The following GALNTL6 variants were observed in gnomAD, a reference collection of about 807,000 sequenced individuals.
GALNTL6 encodes the protein polypeptide N-acetylgalactosaminyltransferase like 6, also known as polypeptide N-acetylgalactosaminyltransferase-like 6.
GALNTL6 carries 46 observed loss-of-function variants against 73.7 expected under a neutral mutation model. That is an observed-to-expected ratio of 0.62 (90% CI 0.49 to 0.80). The LOEUF (loss-of-function observed/expected upper bound fraction) is 0.80. Among genes scored for constraint, GALNTL6 ranks in the 30% least tolerant of loss-of-function variants. GALNTL6 has a pLI of 0.00. For synonymous variants in GALNTL6, 259 were observed against 263.7 expected, an observed-to-expected ratio of 0.98 and a Z score of 0.17; for missense variants, 604 against 755.0, an observed-to-expected ratio of 0.80 and a Z score of 2.34.
intron 3 of GALNTL6, among the ~76,000 whole-genome samples, chr4:172,260,135 G>T (rs1423604083): frequency 6.6e-6 from 1 of 151,740 alleles, no homozygotes; most frequent in East Asian, 1.9e-4. Context: ...TGTGAAGAAT[G>T]ATGATGGTAC....
chr4:171,986,207 C>T (rs1387082554), intron 2 of GALNTL6, among the ~76,000 whole-genome samples: 1 of 150,774 alleles, frequency 6.6e-6, no homozygotes, highest in Non-Finnish European at 1.5e-5. Flanking sequence ...AAAAGAGAGT[C>T]AGAGAAAGGA....
intron 2 of GALNTL6, among the ~76,000 whole-genome samples, chr4:171,903,358 T>G (rs1469789800): frequency 6.6e-6 from 1 of 152,052 alleles, no homozygotes; most frequent in East Asian, 1.9e-4. Context: ...GGAGTTCCTT[T>G]TCCTAGTCAA....
intron 5 of GALNTL6, among the ~76,000 whole-genome samples, chr4:172,374,828 A>G (rs1742968149): frequency 6.6e-6 from 1 of 152,194 alleles, no homozygotes; most frequent in African/African-American, 2.4e-5. Flanking sequence ...ATCTAACAGT[A>G]GCATGACATC....
chr4:172,863,579 G>A (rs920476091), intron 7 of GALNTL6, among the ~76,000 whole-genome samples: 1 of 152,314 alleles, frequency 6.6e-6, no homozygotes, highest in Middle Eastern at 3.4e-3. Context: ...TGGAATGGCT[G>A]TATTTACCCA....
At chr4:172,316,981 A>T (rs1463694348) in intron 4 of GALNTL6, among the ~76,000 whole-genome samples, 2 of 152,164 alleles carry the variant, frequency 1.3e-5, no homozygotes, top group African/African-American at 4.8e-5. Flanking sequence ...CAAACCCACG[A>T]ATCTCTTTCT....
At chr4:171,832,281 A>G (rs1372385403) in intron 2 of GALNTL6, among the ~76,000 whole-genome samples, 1 of 150,164 alleles carries the variant, frequency 6.7e-6, no homozygotes, top group Admixed American at 6.6e-5. Flanking sequence ...TCTGATCTAT[A>G]TATGTTTTCA....
chr4:172,390,764 T>C (rs1439807111), intron 5 of GALNTL6, among the ~76,000 whole-genome samples: 1 of 152,148 alleles, frequency 6.6e-6, no homozygotes, highest in Non-Finnish European at 1.5e-5. Flanking sequence ...TTTGTTCAAA[T>C]GAGAGGCAAA....
intron 5 of GALNTL6, among the ~76,000 whole-genome samples, chr4:172,496,185 G>A (rs1734064243): frequency 6.6e-6 from 1 of 152,028 alleles, no homozygotes; most frequent in South Asian, 2.1e-4. Flanking sequence ...CAAATATTCT[G>A]TACTCCCAAT....
intron 3 of GALNTL6, among the ~76,000 whole-genome samples, chr4:172,303,544 C>T (rs900390367): frequency 6.6e-6 from 1 of 151,990 alleles, no homozygotes; most frequent in Non-Finnish European, 1.5e-5. Flanking sequence ...TACCTGTTGC[C>T]TTTAAAAAAA....
chr4:172,980,559 G>A (rs897899137), intron 10 of GALNTL6, among the ~76,000 whole-genome samples: 4 of 152,096 alleles, frequency 2.6e-5, no homozygotes, highest in Admixed American at 1.3e-4. Context: ...TCAGGTTCTC[G>A]CGAGGGCTGT....
chr4:172,771,829 G>A (rs186508913), intron 5 of GALNTL6, among the ~76,000 whole-genome samples: 246 of 152,246 alleles, frequency 1.6e-3, no homozygotes, highest in Middle Eastern at 3.4e-3. Flanking sequence ...TATAGGCCAA[G>A]AGATGGGAAG....
At position 172,852,268 on chromosome 4, in the gene GALNTL6, C is replaced by T. The variant is rs969867303; in HGVS notation, c.924-30522C>T. Among the ~76,000 whole-genome samples the T allele has an allele frequency of 5.9e-4, 90 of 152,106 alleles. 1 individual carries two copies. The highest frequency in any genetic ancestry group is 1.2e-3 in the East Asian group (6 of 5,202). On this transcript the variant is annotated intron_variant, in intron 7 of 12. Coordinates refer to ENST00000506823, the MANE Select transcript of GALNTL6 (RefSeq NM_001034845.3). ...GGGGCAGCCTTATTTGAGGGGCCTACATTTGAGTCCCAGGTTCCTTCCATT... is the reference window on the plus strand; with the variant it reads ...GGGGCAGCCTTATTTGAGGGGCCTATATTTGAGTCCCAGGTTCCTTCCATT...
intron 5 of GALNTL6, among the ~76,000 whole-genome samples, chr4:172,466,219 T>C (rs570442155): frequency 7.0e-4 from 106 of 152,270 alleles, no homozygotes; most frequent in African/African-American, 2.4e-3. Flanking sequence ...CATCACTTCC[T>C]AAAAAGCGTT....
At position 172,190,294 on chromosome 4, in the gene GALNTL6, T is replaced by A. The variant is rs377066381; in HGVS notation, c.139-39362T>A. On this transcript the variant is annotated intron_variant, in intron 2 of 12. Coordinates refer to ENST00000506823, the MANE Select transcript of GALNTL6 (RefSeq NM_001034845.3). Reference sequence around the variant, plus strand: ...CATCTATTAATTTATTTAAAAAATATTAACTGAAACCCTGTAATTTATGGT... The same window carrying A: ...CATCTATTAATTTATTTAAAAAATAATAACTGAAACCCTGTAATTTATGGT... Among the ~76,000 whole-genome samples the A allele has an allele frequency of 4.8e-4, 73 of 152,324 alleles. No homozygotes were observed. In the South Asian group the frequency reaches 0.014, roughly 29 times the overall value.
chr4:172,352,485 C>T (rs1741975555), intron 5 of GALNTL6, among the ~76,000 whole-genome samples: 1 of 152,102 alleles, frequency 6.6e-6, no homozygotes, highest in Admixed American at 6.6e-5. Flanking sequence ...TAACTTGAGG[C>T]CTATAACAAG....
intron 5 of GALNTL6, among the ~76,000 whole-genome samples, chr4:172,463,375 A>C (rs1383617042): frequency 6.6e-6 from 1 of 152,164 alleles, no homozygotes; most frequent in Non-Finnish European, 1.5e-5. Context: ...ACCTGAAGGA[A>C]GACTAGTAGT....
Position 173,011,928 on chromosome 4 carries a change from G to T in GALNTL6, c.1488+2634G>T, listed in dbSNP as rs1381214016. 3.9e-5 allele frequency among the ~76,000 whole-genome samples: 6 copies of T among 152,068 alleles called. No homozygotes were observed. In the East Asian group the frequency reaches 1.2e-3, roughly 30 times the overall value. ...TTTCGTTTCTTGTATTTTAGAGATG[G>T]GGTCTTGCTCTGTCACCCAGGCTGG... On this transcript the variant is annotated intron_variant, in intron 11 of 12. Transcript: ENST00000506823.
intron 5 of GALNTL6, among the ~76,000 whole-genome samples, chr4:172,377,745 G>A (rs538902162): frequency 1.4e-4 from 21 of 152,162 alleles, no homozygotes; most frequent in Non-Finnish European, 3.1e-4. Context: ...CAGTGCTGGG[G>A]TACCTGGTGC....
chr4:172,200,225 G>A (rs113587715), intron 2 of GALNTL6, among the ~76,000 whole-genome samples: 5 of 152,252 alleles, frequency 3.3e-5, no homozygotes, highest in African/African-American at 1.2e-4. Flanking sequence ...ACTAATAAGT[G>A]TTCCAATGGA....
Sources: allele counts gnomAD v4.1 joint callset (sites outside exome capture counted in the v4.1 genomes callset), GRCh38; gene constraint gnomAD v4.1.1; transcripts MANE v1.5; gene names NCBI Gene and HGNC (gene_info 2026-07-23, HGNC 2026-07-21).